Variants in RGL1 observed in about 807,000 individuals in gnomAD.
The protein encoded by RGL1 is ral guanine nucleotide dissociation stimulator-like 1.
Under a neutral mutation model 95.2 loss-of-function variants are expected in RGL1, and 24 were observed. The observed-to-expected ratio is 0.25, with a 90% CI of 0.18 to 0.35. RGL1 has a LOEUF of 0.35. RGL1 is among the 10% of genes least tolerant of loss of function. RGL1 has a pLI of 1.00. For synonymous variants in RGL1, 329 were observed against 344.9 expected, an observed-to-expected ratio of 0.95 and a Z score of 0.51; for missense variants, 715 against 936.3, an observed-to-expected ratio of 0.76 and a Z score of 3.08.
intron 2 of RGL1, among the ~76,000 whole-genome samples, chr1:183,771,472 C>T (rs1659268774): frequency 6.6e-6 from 1 of 152,124 alleles, no homozygotes; most frequent in Non-Finnish European, 1.5e-5. Flanking sequence ...TTGGGAGTCT[C>T]CTTTTTATTC....
At chr1:183,817,297 TTC>T (rs2102445551) in intron 2 of RGL1, among the ~76,000 whole-genome samples, 1 of 152,350 alleles carries the variant, frequency 6.6e-6, no homozygotes, top group Non-Finnish European at 1.5e-5. Context: ...CTATGTTTTC[TTC>T]TCTCTTTCAG....
intron 1 of RGL1, among the ~76,000 whole-genome samples, chr1:183,706,540 T>C (rs954215515): frequency 8.5e-5 from 13 of 152,136 alleles, no homozygotes; most frequent in African/African-American, 2.7e-4. Context: ...GGGGCAGTCC[T>C]TGTGGGGGCT....
chr1:183,660,668 G>C (rs1410484483), intron 1 of RGL1, among the ~76,000 whole-genome samples: 1 of 151,344 alleles, frequency 6.6e-6, no homozygotes, highest in Non-Finnish European at 1.5e-5. Flanking sequence ...AAGTTAACAA[G>C]GATACCCAGG....
intron 7 of RGL1, among the ~76,000 whole-genome samples, chr1:183,885,358 G>C (rs1171285610): frequency 1.3e-5 from 2 of 152,156 alleles, no homozygotes; most frequent in African/African-American, 4.8e-5. Context: ...CCAGTACCTG[G>C]AGGCATTACA....
intron 2 of RGL1, among the ~76,000 whole-genome samples, chr1:183,816,243 A>G (rs900522668): frequency 1.1e-4 from 17 of 152,200 alleles, no homozygotes; most frequent in African/African-American, 3.9e-4. Context: ...AGTGGGCCAT[A>G]TTCTGTCTTC....
chr1:183,768,331 T>C (rs945866703), intron 2 of RGL1, among the ~76,000 whole-genome samples: 1 of 152,086 alleles, frequency 6.6e-6, no homozygotes, highest in African/African-American at 2.4e-5. Context: ...TAACCTTTTT[T>C]AAAAAACCGA....
At chr1:183,906,791 A>G (rs1182093835) in intron 13 of RGL1, among the ~76,000 whole-genome samples, 1 of 151,684 alleles carries the variant, frequency 6.6e-6, no homozygotes, top group Non-Finnish European at 1.5e-5. Context: ...GCCTCAATCC[A>G]TATGCCAGTG....
At chr1:183,821,210 A>T (rs1662468465) in intron 2 of RGL1, among the ~76,000 whole-genome samples, 1 of 152,202 alleles carries the variant, frequency 6.6e-6, no homozygotes, top group Non-Finnish European at 1.5e-5. Flanking sequence ...AAAAAATTTT[A>T]AATTGCCTAT....
intron 1 of RGL1, among the ~76,000 whole-genome samples, chr1:183,692,396 A>G (rs983181942): frequency 1.3e-5 from 2 of 152,220 alleles, no homozygotes; most frequent in African/African-American, 2.4e-5. Flanking sequence ...TGGATGAACC[A>G]TATACATCAT....
At chr1:183,645,952 T>G (rs16861356) in intron 1 of RGL1, among the ~76,000 whole-genome samples, 1,986 of 152,318 alleles carry the variant, frequency 0.013, 50 homozygotes, top group African/African-American at 0.046. Flanking sequence ...TCTGACAACT[T>G]CTCCTTTTGT....
At position 183,916,691 on chromosome 1, in the gene RGL1, A is replaced by G; in HGVS notation, c.1994A>G (p.Lys665Arg). ...GAAGACAATAACGGCAACATGTACA[A>G]GAGCATCATGGTGAGGAGCAAGCCC... ...SVEDNNGNMY[K>R]SIMLTSQDKT... Residue 665 changes from lysine (K) to arginine (R), a missense_variant, in exon 16 of 18, where the codon AAG becomes AGG. Transcript: ENST00000360851. The G allele has an allele frequency of 6.2e-7, 1 of 1,612,504 alleles. No individual in the cohort carries two copies. Among genetic ancestry groups the G allele is most frequent in the Non-Finnish European group, 8.5e-7 (1 of 1,179,710 alleles).
intron 1 of RGL1, among the ~76,000 whole-genome samples, chr1:183,708,345 T>C (rs917087652): frequency 6.6e-6 from 1 of 152,126 alleles, no homozygotes. Context: ...CAAGGCCTTG[T>C]TCATGTTCCC....
chr1:183,897,951 C>T (rs3814330), intron 10 of RGL1, 54 bp downstream of exon 10: 440,297 of 1,476,082 alleles, frequency 0.3, 67,196 homozygotes, highest in East Asian at 0.47. Flanking sequence ...GGGCCGTGTG[C>T]GTCTGGGCTC....
chr1:183,902,669 G>GT, intron 12 of RGL1, 69 bp downstream of exon 12: 3 of 1,500,654 alleles, frequency 2.0e-6, no homozygotes, highest in Non-Finnish European at 1.8e-6. Context: ...GGGGACTTAA[G>GT]TTTTTTTGTA....
intron 3 of RGL1, among the ~76,000 whole-genome samples, chr1:183,854,352 C>A (rs1480649154): frequency 2.0e-5 from 3 of 152,118 alleles, no homozygotes; most frequent in Admixed American, 2.0e-4. Flanking sequence ...CCTGAAGGGT[C>A]AGGGATAGCA....
chr1:183,714,052 A>G (rs1469371780), intron 1 of RGL1, among the ~76,000 whole-genome samples: 3 of 152,228 alleles, frequency 2.0e-5, no homozygotes, highest in Non-Finnish European at 4.4e-5. Context: ...CACGAGAAAT[A>G]TGGAGCTTGT....
intron 2 of RGL1, among the ~76,000 whole-genome samples, chr1:183,747,580 G>A (rs1383201557): frequency 6.6e-6 from 1 of 152,120 alleles, no homozygotes; most frequent in Non-Finnish European, 1.5e-5. Flanking sequence ...CTCCCACTTT[G>A]TAGGTTGCCT....
intron 2 of RGL1, among the ~76,000 whole-genome samples, chr1:183,764,099 A>C (rs1030625230): frequency 1.3e-5 from 2 of 152,228 alleles, no homozygotes; most frequent in African/African-American, 4.8e-5. Flanking sequence ...AATTATTTGC[A>C]GGGGAGACCA....
rs191254156 is a variant in RGL1, at chr1:183,866,779, G to A, written c.425+706G>A. On this transcript the variant is annotated intron_variant, in intron 4 of 17. Coordinates refer to ENST00000360851, the MANE Select transcript of RGL1 (RefSeq NM_001297671.3). ...AAAGACCCGCTCTGGCTCTGTGTCC[G>A]GAAAGTAGCCTGTGGCAGTGTGGCT... Among the ~76,000 whole-genome samples the A allele has an allele frequency of 2.8e-4, 42 of 152,342 alleles. No individual in the cohort carries two copies. The East Asian group carries it at 4.4e-3, about 16-fold the overall frequency.
Sources: gnomAD v4.1 joint callset for allele counts (sites outside exome capture counted in the v4.1 genomes callset) on GRCh38, gnomAD v4.1.1 for gene constraint, MANE v1.5 for transcripts, NCBI Gene and HGNC (gene_info 2026-07-23, HGNC 2026-07-21) for gene names.